KBTBD13: variants seen among roughly 807,000 people sequenced by gnomAD.
KBTBD13 encodes the protein kelch repeat and BTB domain-containing protein 13.
KBTBD13 carries 32 observed loss-of-function variants against 25.4 expected under a neutral mutation model. The observed-to-expected ratio is 1.26, with a 90% CI of 0.95 to 1.69. The LOEUF (loss-of-function observed/expected upper bound fraction) is 1.69. Among genes scored for constraint, KBTBD13 ranks in the 40% most tolerant of loss-of-function variants. The pLI is 0.00. For missense variants in KBTBD13, 898 were observed against 679.5 expected (o/e 1.32, Z -3.57); for synonymous variants, 436 against 329.8 (o/e 1.32, Z -3.49).
rs2086994460 is a variant in KBTBD13 at position 65,077,561 on chromosome 15, A to G, written c.746A>G (p.Tyr249Cys). 3 of 1,553,114 alleles carry G rather than the reference A, an allele frequency of 1.9e-6. No individual in the cohort carries two copies. The highest frequency in any genetic ancestry group is 2.7e-5 in the African/African-American group (2 of 73,430). Residue 249 changes from tyrosine to cysteine, a missense_variant, in exon 1 of 1, where the codon TAT becomes TGT. Tyr to Cys is a radical substitution (Grantham distance 194). Coordinates refer to ENST00000432196, the MANE Select transcript of KBTBD13 (RefSeq NM_001101362.3). ...HEFPSPHQPR[Y>C]DTALAGFDGR... ...TTCCCCAGCCCGCACCAGCCGCGCTATGACACAGCGCTGGCCGGCTTCGAC... is the reference window on the plus strand; with the variant it reads ...TTCCCCAGCCCGCACCAGCCGCGCTGTGACACAGCGCTGGCCGGCTTCGAC...
In KBTBD13 at chr15:65,077,038, G is replaced by C. The variant is rs1047866843; in HGVS notation, c.223G>C (p.Glu75Gln). 3 of 1,499,646 alleles carry C rather than the reference G, an allele frequency of 2.0e-6. No individual in the cohort carries two copies. The highest frequency in any genetic ancestry group is 1.8e-4 in the Middle Eastern group (1 of 5,450). The allele number at this position is 1,499,646 out of a possible 1,614,324, so 92.9% of individuals were successfully genotyped here. ...CGGCGACCGGCCGGCGCTGGCGGCG[G>C]AGGACGAGCTGCTGCAGGCCGTGGA... ...LRGDRPALAA[E>Q]DELLQAVECA... is the part of the protein sequence containing the mutation. Residue 75 changes from glutamate (E) to glutamine (Q), a missense_variant, in exon 1 of 1, where the codon GAG (glutamate) becomes CAG (glutamine). Transcript: ENST00000432196.
In KBTBD13 at chr15:65,076,937, G is replaced by C. The variant is rs760757402; in HGVS notation, c.122G>C (p.Arg41Pro). The change falls in exon 1 of 1, where the codon CGG (arginine) becomes CCG (proline). Residue 41 changes from arginine (R) to proline (P), a missense_variant. Arg to Pro is a moderately radical substitution (Grantham distance 103). Transcript: ENST00000432196. ...CGAGGCCTCTTCCGCTCCGGCATGC[G>C]GGAGACCCGCGCAGCAGAGGTGCGC... ...FFRGLFRSGM[R>P]ETRAAEVRLG... The C allele has an allele frequency of 6.4e-7, 1 of 1,556,740 alleles. No individual in the cohort carries two copies. The highest frequency in any genetic ancestry group is 8.6e-7 in the Non-Finnish European group (1 of 1,158,856).
chr15:65,078,956 A>G lies in KBTBD13; in HGVS notation c.*764A>G, dbSNP rs771518199. On this transcript the variant is annotated 3_prime_UTR_variant, in exon 1 of 1. Transcript: ENST00000432196. ...GGGGAGGGTCTCTGCAAGTCCAGCC[A>G]TACCAGCAGAGCAGCAGTAGTTGGG... is the stretch of plus-strand genomic sequence containing the variant. Among the ~76,000 whole-genome samples, 12 of 152,290 alleles carry G rather than the reference A, an allele frequency of 7.9e-5. No homozygotes were observed. Among genetic ancestry groups the G allele is most frequent in the African/African-American group, 1.7e-4 (7 of 41,552 alleles).
rs867017597 is a variant in KBTBD13, at chr15:65,077,525, C to T, written c.710C>T (p.Thr237Met). 3.3e-6 allele frequency: 5 copies of T among 1,527,294 alleles called. No individual in the cohort carries two copies. The African/African-American group carries it at 4.1e-5, about 13-fold the overall frequency. 94.6% of individuals were successfully genotyped at this position (1,527,294 alleles called of 1,614,324 possible). ...TTCTGCTACGACCCCGACGGCGGCA[C>T]GTGGCACGAGTTCCCCAGCCCGCAC... Reference protein sequence around the residue: ...LGFCYDPDGGTWHEFPSPHQP... With the variant: ...LGFCYDPDGGMWHEFPSPHQP... The change falls in exon 1 of 1, where the codon ACG becomes ATG. Residue 237 changes from threonine (T) to methionine (M), a missense_variant. Physicochemically the swap from Thr to Met is moderately conservative, Grantham distance 81. Transcript: ENST00000432196.
Position 65,076,765 on chromosome 15 carries a change from T to C in KBTBD13, c.-51T>C. ...TGCTCCAGGGGAGCCCCAGAGTTGGTGGCTGGCTAACCCAAGGCCCCAGCG... is the reference window on the plus strand; with the variant it reads ...TGCTCCAGGGGAGCCCCAGAGTTGGCGGCTGGCTAACCCAAGGCCCCAGCG... On this transcript the variant is annotated 5_prime_UTR_variant, in exon 1 of 1. Transcript: ENST00000432196. 6.8e-7 allele frequency: 1 copy of C among 1,462,046 alleles called. No homozygotes were observed. Among genetic ancestry groups the C allele is most frequent in the Non-Finnish European group, 9.0e-7 (1 of 1,105,622 alleles). 90.6% of individuals were successfully genotyped at this position (1,462,046 alleles called of 1,614,324 possible). A position where few individuals can be genotyped will look rare whatever the true frequency, so the allele number is the denominator to read the frequency against.
In KBTBD13 at chr15:65,079,939, A is replaced by G. The variant is rs1038021977; in HGVS notation, c.*1747A>G. ...CTCAACAATAAACCCTGACTTTTGC[A>G]TCTTGTGAATTATGTGCAAGGTACT... is the stretch of plus-strand genomic sequence containing the variant. On this transcript the variant is annotated 3_prime_UTR_variant, in exon 1 of 1. Transcript: ENST00000432196. Among the ~76,000 whole-genome samples, 57 of 152,150 alleles carry G rather than the reference A, an allele frequency of 3.7e-4. No individual in the cohort carries two copies. Among genetic ancestry groups the G allele is most frequent in the African/African-American group, 1.3e-3 (55 of 41,424 alleles).
chr15:65,076,838 T>C lies in KBTBD13; in HGVS notation c.23T>C (p.Leu8Pro), dbSNP rs755992942. 1.9e-5 allele frequency: 29 copies of C among 1,552,870 alleles called. No individual in the cohort carries two copies. The highest frequency in any genetic ancestry group is 5.4e-5 in the African/African-American group (4 of 73,978). MARGPQT[L>P]VQVWVGGQLF... Reference sequence around the variant, plus strand: ...GCCATGGCACGGGGTCCACAGACCCTGGTGCAGGTGTGGGTGGGCGGCCAG... The same window carrying C: ...GCCATGGCACGGGGTCCACAGACCCCGGTGCAGGTGTGGGTGGGCGGCCAG... The change falls in exon 1 of 1, where the codon CTG (leucine) becomes CCG (proline). Residue 8 changes from leucine (L) to proline (P), a missense_variant. Transcript: ENST00000432196.
rs759710350 is a variant in KBTBD13 at position 65,076,880 on chromosome 15, G to A, written c.65G>A (p.Arg22His). 12 of 1,564,638 alleles carry A rather than the reference G, an allele frequency of 7.7e-6. No homozygotes were observed. Among genetic ancestry groups the A allele is most frequent in the African/African-American group, 1.3e-5 (1 of 74,190 alleles). Residue 22 changes from arginine (R) to histidine (H), a missense_variant, in exon 1 of 1, where the codon CGC (arginine) becomes CAC (histidine). Coordinates refer to ENST00000432196, the MANE Select transcript of KBTBD13 (RefSeq NM_001101362.3). ...WVGGQLFQAD[R>H]ALLVEHCGFF... ...GGCGGCCAGCTCTTCCAAGCCGACCGCGCCCTGCTGGTGGAGCACTGTGGC... is the reference window on the plus strand; with the variant it reads ...GGCGGCCAGCTCTTCCAAGCCGACCACGCCCTGCTGGTGGAGCACTGTGGC...
At position 65,076,943 on chromosome 15, in the gene KBTBD13, C is replaced by A; in HGVS notation, c.128C>A (p.Thr43Asn). The A allele has an allele frequency of 6.4e-7, 1 of 1,555,622 alleles. No homozygotes were observed. ...RGLFRSGMRE[T>N]RAAEVRLGVL... is the part of the protein sequence containing the mutation. ...CTCTTCCGCTCCGGCATGCGGGAGA[C>A]CCGCGCAGCAGAGGTGCGCCTGGGC... is the stretch of plus-strand genomic sequence containing the variant. The change falls in exon 1 of 1, where the codon ACC (threonine) becomes AAC (asparagine). Residue 43 changes from threonine to asparagine, a missense_variant. By Grantham distance (65) the Thr-to-Asn change is moderately conservative. Coordinates refer to ENST00000432196, the MANE Select transcript of KBTBD13 (RefSeq NM_001101362.3).
rs1345300686 is a variant in KBTBD13, at chr15:65,078,522, G to T, written c.*330G>T. ...CGACTTAAATGATGTTAATCAAACT[G>T]CAAGTAGTAGGCAAGAATTAGGCAC... On this transcript the variant is annotated 3_prime_UTR_variant, in exon 1 of 1. Coordinates refer to ENST00000432196, the MANE Select transcript of KBTBD13 (RefSeq NM_001101362.3). Among the ~76,000 whole-genome samples, 1 of 152,188 alleles carries T rather than the reference G, an allele frequency of 6.6e-6. No individual in the cohort carries two copies.
Position 65,077,293 on chromosome 15 carries a change from G to C in KBTBD13, c.478G>C (p.Val160Leu), listed in dbSNP as rs1338513996. 9 of 1,401,256 alleles carry C rather than the reference G, an allele frequency of 6.4e-6. No homozygotes were observed. Among genetic ancestry groups the C allele is most frequent in the Admixed American group, 3.2e-5 (1 of 31,044 alleles). 86.8% of individuals were successfully genotyped at this position (1,401,256 alleles called of 1,614,324 possible). Reference sequence around the variant, plus strand: ...CCTGCGGCCCAGCAGCTACGCGGCCGTGAGCACGCACACGCCCGCGCCCGG... The same window carrying C: ...CCTGCGGCCCAGCAGCTACGCGGCCCTGAGCACGCACACGCCCGCGCCCGG... ...AALRPSSYAA[V>L]STHTPAPGFL... Residue 160 changes from valine (V) to leucine (L), a missense_variant, in exon 1 of 1, where the codon GTG becomes CTG. By Grantham distance (32) the Val-to-Leu change is conservative (BLOSUM62 1). Coordinates refer to ENST00000432196, the MANE Select transcript of KBTBD13 (RefSeq NM_001101362.3).
Position 65,077,493 on chromosome 15 carries a change from G to C in KBTBD13, c.678G>C (p.Glu226Asp). Residue 226 changes from glutamate to aspartate, a missense_variant, in exon 1 of 1, where the codon GAG becomes GAC. By Grantham distance (45) the Glu-to-Asp change is conservative (BLOSUM62 2). Coordinates refer to ENST00000432196, the MANE Select transcript of KBTBD13 (RefSeq NM_001101362.3). ...GCGGCGCCAGCAAGGAGGTGGTAGA[G>C]CTGGGCTTCTGCTACGACCCCGACG... ...GVRGASKEVV[E>D]LGFCYDPDGG... 1.3e-6 allele frequency: 2 copies of C among 1,524,752 alleles called. No individual in the cohort carries two copies. The highest frequency in any genetic ancestry group is 1.4e-5 in the African/African-American group (1 of 72,576). 94.5% of individuals were successfully genotyped at this position (1,524,752 alleles called of 1,614,324 possible).
Position 65,078,332 on chromosome 15 carries a change from G to T in KBTBD13, c.*140G>T. The T allele has an allele frequency of 8.0e-7, 1 of 1,243,906 alleles. No individual in the cohort carries two copies. The highest frequency in any genetic ancestry group is 1.1e-6 in the Non-Finnish European group (1 of 920,920). The allele number at this position is 1,243,906 out of a possible 1,614,324, so 77.1% of individuals were successfully genotyped here. On this transcript the variant is annotated 3_prime_UTR_variant, in exon 1 of 1. Transcript: ENST00000432196. The stretch of plus-strand genomic sequence containing the variant: ...CCCAGGTTTGGTGCCTTCTGGTGGT[G>T]TGGACATGTTCAAGAAGCTCAGGGA...
Position 65,077,171 on chromosome 15 carries a change from G to A in KBTBD13, c.356G>A (p.Arg119His), listed in dbSNP as rs1293449500. 1.1e-5 allele frequency: 16 copies of A among 1,507,074 alleles called. No homozygotes were observed. Among genetic ancestry groups the A allele is most frequent in the Non-Finnish European group, 1.4e-5 (16 of 1,133,040 alleles). The allele number at this position is 1,507,074 out of a possible 1,614,324, so 93.4% of individuals were successfully genotyped here. Residue 119 changes from arginine (R) to histidine (H), a missense_variant, in exon 1 of 1, where the codon CGC becomes CAC. Physicochemically the swap from Arg to His is conservative, Grantham distance 29. Transcript: ENST00000432196. ...LCDAAAAFGL[R>H]DVFHSAALFI... Reference sequence around the variant, plus strand: ...GACGCGGCCGCCGCCTTCGGCCTGCGCGACGTGTTCCACAGTGCCGCGCTC... The same window carrying A: ...GACGCGGCCGCCGCCTTCGGCCTGCACGACGTGTTCCACAGTGCCGCGCTC...
rs2140543051 is a variant in KBTBD13 at position 65,076,905 on chromosome 15, C to T, written c.90C>T (p.Gly30=). ...GCGCCCTGCTGGTGGAGCACTGTGG[C>T]TTCTTCCGAGGCCTCTTCCGCTCCG... The part of the protein sequence containing the change: ...ADRALLVEHC[G]FFRGLFRSGM... The change falls in exon 1 of 1, where the codon GGC becomes GGT. Residue 30 remains glycine (G), a synonymous_variant. Coordinates refer to ENST00000432196, the MANE Select transcript of KBTBD13 (RefSeq NM_001101362.3). 3 of 1,564,548 alleles carry T rather than the reference C, an allele frequency of 1.9e-6. No homozygotes were observed. The African/African-American group carries it at 4.0e-5, about 21-fold the overall frequency.
chr15:65,077,071 G>T lies in KBTBD13; in HGVS notation c.256G>T (p.Ala86Ser). The T allele has an allele frequency of 1.3e-6, 2 of 1,515,256 alleles. No individual in the cohort carries two copies. The highest frequency in any genetic ancestry group is 2.5e-5 in the East Asian group (1 of 39,396). The allele number at this position is 1,515,256 out of a possible 1,614,324, so 93.9% of individuals were successfully genotyped here. ...DELLQAVECAAFLQAPALARF... is the reference protein window; with the variant it reads ...DELLQAVECASFLQAPALARF... Reference sequence around the variant, plus strand: ...GCTGCTGCAGGCCGTGGAGTGCGCCGCCTTCCTCCAGGCGCCGGCGCTGGC... The same window carrying T: ...GCTGCTGCAGGCCGTGGAGTGCGCCTCCTTCCTCCAGGCGCCGGCGCTGGC... The change falls in exon 1 of 1, where the codon GCC (alanine) becomes TCC (serine). Residue 86 changes from alanine (A) to serine (S), a missense_variant. Coordinates refer to ENST00000432196, the MANE Select transcript of KBTBD13 (RefSeq NM_001101362.3).
Position 65,079,601 on chromosome 15 carries a change from C to G in KBTBD13, c.*1409C>G, listed in dbSNP as rs1295059609. The stretch of plus-strand genomic sequence containing the variant: ...TGTTGTTGGATGAGGACTCTCGTTC[C>G]TTCATCAAAATCCCCAGCTCTGGCT... On this transcript the variant is annotated 3_prime_UTR_variant, in exon 1 of 1. Coordinates refer to ENST00000432196, the MANE Select transcript of KBTBD13 (RefSeq NM_001101362.3). Among the ~76,000 whole-genome samples, 2 of 152,218 alleles carry G rather than the reference C, an allele frequency of 1.3e-5. No individual in the cohort carries two copies. Among genetic ancestry groups the G allele is most frequent in the Non-Finnish European group, 2.9e-5 (2 of 68,046 alleles).
chr15:65,078,107 C>G lies in KBTBD13; in HGVS notation c.1292C>G (p.Pro431Arg). ...CTGCTCAGGGAGAAAGCCGGCTTCC[C>G]GCGGCCCGGCTCCTTGCAGACCTTT... Reference protein sequence around the residue: ...WRLLREKAGFPRPGSLQTFLL... With the variant: ...WRLLREKAGFRRPGSLQTFLL... The change falls in exon 1 of 1, where the codon CCG becomes CGG. Residue 431 changes from proline (P) to arginine (R), a missense_variant. By Grantham distance (103) the Pro-to-Arg change is moderately radical (BLOSUM62 -2). Coordinates refer to ENST00000432196, the MANE Select transcript of KBTBD13 (RefSeq NM_001101362.3). 6.3e-7 allele frequency: 1 copy of G among 1,578,512 alleles called. No homozygotes were observed. The highest frequency in any genetic ancestry group is 8.6e-7 in the Non-Finnish European group (1 of 1,168,602).
Position 65,076,839 on chromosome 15 carries a change from G to T in KBTBD13, c.24G>T (p.Leu8=). 1 of 1,554,032 alleles carries T rather than the reference G, an allele frequency of 6.4e-7. No individual in the cohort carries two copies. The highest frequency in any genetic ancestry group is 1.4e-5 in the African/African-American group (1 of 74,028). Residue 8 remains leucine, a synonymous_variant, in exon 1 of 1, where the codon CTG becomes CTT. Coordinates refer to ENST00000432196, the MANE Select transcript of KBTBD13 (RefSeq NM_001101362.3). The part of the protein sequence containing the change: MARGPQT[L]VQVWVGGQLF... ...CCATGGCACGGGGTCCACAGACCCT[G>T]GTGCAGGTGTGGGTGGGCGGCCAGC...
Sources: allele counts gnomAD v4.1 joint callset (sites outside exome capture counted in the v4.1 genomes callset), GRCh38; gene constraint gnomAD v4.1.1; transcripts MANE v1.5; gene names NCBI Gene and HGNC (gene_info 2026-07-23, HGNC 2026-07-21).